TMEM178B: variants seen among roughly 807,000 people sequenced by gnomAD.
TMEM178B encodes transmembrane protein 178B.
TMEM178B carries 5 observed loss-of-function variants against 31.0 expected under a neutral mutation model. The ratio of observed to expected loss-of-function variants is 0.16; its 90% CI spans 0.08 to 0.34. The LOEUF (loss-of-function observed/expected upper bound fraction) is 0.34. Among genes scored for constraint, TMEM178B ranks in the 10% least tolerant of loss-of-function variants. The probability of loss-of-function intolerance (pLI) is 1.00; values close to 1 mark genes in which losing one functional copy is unlikely to be tolerated. For missense variants in TMEM178B, 275 were observed against 400.3 expected, an observed-to-expected ratio of 0.69 and a Z score of 2.67; for synonymous variants, 164 against 164.0, an observed-to-expected ratio of 1.00 and a Z score of 0.00.
chr7:141,230,963 C>T (rs1016823442), intron 2 of TMEM178B, among the ~76,000 whole-genome samples: 1 of 152,144 alleles, frequency 6.6e-6, no homozygotes, highest in African/African-American at 2.4e-5. Flanking sequence ...TGGCCTCCCA[C>T]TTTCCTACTC....
chr7:141,486,810 G>C, the TMEM178B span, among the ~76,000 whole-genome samples: 1 of 152,156 alleles, frequency 6.6e-6, no homozygotes, highest in South Asian at 2.1e-4. Flanking sequence ...GTCATGTGGG[G>C]TAGGGAGAGA....
chr7:141,283,835 T>C (rs1798402354), intron 2 of TMEM178B, among the ~76,000 whole-genome samples: 1 of 152,226 alleles, frequency 6.6e-6, no homozygotes, highest in Non-Finnish European at 1.5e-5. Flanking sequence ...TAGATCCTCT[T>C]TCTAAGTGTG....
rs549589805 is a variant in TMEM178B, at chr7:141,336,761, A to G, written c.497-100847A>G. Among the ~76,000 whole-genome samples the G allele has an allele frequency of 6.6e-5, 10 of 151,210 alleles. 1 individual carries two copies. In the East Asian group the frequency reaches 1.9e-3, roughly 29 times the overall value. On this transcript the variant is annotated intron_variant, in intron 2 of 3. Transcript: ENST00000565468. ...CTAGCATCCCACCATTACCACCACC[A>G]ACACTACAATCATCACCATCACCAC...
intron 2 of TMEM178B, among the ~76,000 whole-genome samples, chr7:141,266,119 C>A (rs1216158295): frequency 6.6e-6 from 1 of 152,206 alleles, no homozygotes; most frequent in African/African-American, 2.4e-5. Context: ...CTAGGAGAGA[C>A]AATGTCTCTT....
chr7:141,346,757 A>G (rs912033536), intron 2 of TMEM178B, among the ~76,000 whole-genome samples: 1 of 152,228 alleles, frequency 6.6e-6, no homozygotes, highest in Admixed American at 6.5e-5. Context: ...TGGTACACAC[A>G]CAAACACATG....
chr7:141,379,746 G>GT (rs929088330), intron 2 of TMEM178B, among the ~76,000 whole-genome samples: 9 of 152,092 alleles, frequency 5.9e-5, no homozygotes, highest in Non-Finnish European at 1.2e-4. Context: ...CCTTATATCC[G>GT]TTTTCCTTCC....
At chr7:141,494,539 T>C in the TMEM178B span, among the ~76,000 whole-genome samples, 1 of 152,226 alleles carries the variant, frequency 6.6e-6, no homozygotes, top group Non-Finnish European at 1.5e-5. Flanking sequence ...TTTCATAACA[T>C]TTAAAAAATC....
intron 2 of TMEM178B, among the ~76,000 whole-genome samples, chr7:141,392,597 G>A (rs1290276830): frequency 6.6e-6 from 1 of 152,034 alleles, no homozygotes; most frequent in Non-Finnish European, 1.5e-5. Context: ...CATCACCCAT[G>A]CCTCATTCAT....
chr7:141,193,614 C>T (rs900574345), intron 1 of TMEM178B, among the ~76,000 whole-genome samples: 3 of 152,200 alleles, frequency 2.0e-5, no homozygotes, highest in Non-Finnish European at 4.4e-5. Context: ...AGGCCTAGGC[C>T]GAGCCCATTC....
At chr7:141,372,547 A>G (rs1417526057) in intron 2 of TMEM178B, among the ~76,000 whole-genome samples, 1 of 152,148 alleles carries the variant, frequency 6.6e-6, no homozygotes, top group African/African-American at 2.4e-5. Context: ...CCCAAAGCCC[A>G]TTGCCTCTCT....
intron 2 of TMEM178B, among the ~76,000 whole-genome samples, chr7:141,280,312 C>T (rs911489249): frequency 7.2e-5 from 11 of 152,066 alleles, no homozygotes; most frequent in African/African-American, 2.2e-4. Context: ...TTGGCTGTGT[C>T]CCCAGCCAAA....
chr7:141,282,301 A>T (rs1224083352), intron 2 of TMEM178B, among the ~76,000 whole-genome samples: 2 of 152,210 alleles, frequency 1.3e-5, no homozygotes, highest in African/African-American at 4.8e-5. Context: ...AGGCTTCTGT[A>T]ACCCTGCCCT....
intron 2 of TMEM178B, among the ~76,000 whole-genome samples, chr7:141,279,589 A>C (rs1798320858): frequency 6.6e-6 from 1 of 152,204 alleles, no homozygotes. Flanking sequence ...GTTCTAGGCA[A>C]AGTAACTGTT....
the TMEM178B span, among the ~76,000 whole-genome samples, chr7:141,509,448 G>A: frequency 2.0e-5 from 3 of 152,086 alleles, no homozygotes; most frequent in Non-Finnish European, 4.4e-5. Context: ...TCAGGAGTTC[G>A]AGACCAGCCT....
chr7:141,420,001 C>T (rs1195289825), intron 2 of TMEM178B, among the ~76,000 whole-genome samples: 1 of 152,156 alleles, frequency 6.6e-6, no homozygotes, highest in Admixed American at 6.5e-5. Context: ...CTGCTGTTCC[C>T]TCTACCTGGA....
At chr7:141,198,365 G>A (rs980596358) in intron 1 of TMEM178B, among the ~76,000 whole-genome samples, 9 of 152,140 alleles carry the variant, frequency 5.9e-5, no homozygotes, top group Non-Finnish European at 1.0e-4. Flanking sequence ...AGGTGGCAGC[G>A]GCAGAGCCCA....
At chr7:141,105,007 T>C (rs1284897097) in intron 1 of TMEM178B, among the ~76,000 whole-genome samples, 3 of 152,066 alleles carry the variant, frequency 2.0e-5, no homozygotes, top group Admixed American at 6.6e-5. Flanking sequence ...GACAGTTGCA[T>C]TGAATGAGAG....
intron 3 of TMEM178B, among the ~76,000 whole-genome samples, chr7:141,451,740 T>A (rs117437727): frequency 0.025 from 3,834 of 152,288 alleles, 255 homozygotes; most frequent in East Asian, 0.19. Flanking sequence ...GCTGGATATA[T>A]GAACATTTTT....
chr7:141,265,845 G>A (rs538226503), intron 2 of TMEM178B, among the ~76,000 whole-genome samples: 1 of 152,302 alleles, frequency 6.6e-6, no homozygotes, highest in South Asian at 2.1e-4. Context: ...TGAAGGCCAC[G>A]TAACTCATAG....
Sources: gnomAD v4.1 joint callset for allele counts (sites outside exome capture counted in the v4.1 genomes callset) on GRCh38, gnomAD v4.1.1 for gene constraint, MANE v1.5 for transcripts, NCBI Gene and HGNC (gene_info 2026-07-23, HGNC 2026-07-21) for gene names.